WDR3: variants seen among roughly 807,000 people sequenced by gnomAD.
The protein encoded by WDR3 is WD repeat domain 3.
A neutral mutation model predicts 123.7 loss-of-function variants in WDR3; 81 were observed. The ratio of observed to expected loss-of-function variants is 0.65; its 90% CI spans 0.55 to 0.79. The LOEUF is 0.79. Among genes scored for constraint, WDR3 ranks in the 30% least tolerant of loss-of-function variants. The pLI is 0.00. For synonymous variants in WDR3, 390 were observed against 388.8 expected, an observed-to-expected ratio of 1.00 and a Z score of -0.04; for missense variants, 1,027 against 1,123.2, an observed-to-expected ratio of 0.91 and a Z score of 1.22.
intron 24 of WDR3, among the ~76,000 whole-genome samples, chr1:117,955,651 T>C (rs1243238587): frequency 6.6e-6 from 1 of 152,132 alleles, no homozygotes; most frequent in African/African-American, 2.4e-5. Context: ...TTAATTTGTT[T>C]TATATTTTGG....
Position 117,954,117 on chromosome 1 carries a change from T to C in WDR3, c.2361+18T>C, listed in dbSNP as rs756798053. The C allele has an allele frequency of 6.3e-7, 1 of 1,588,838 alleles. No homozygotes were observed. Among genetic ancestry groups the C allele is most frequent in the Admixed American group, 1.8e-5 (1 of 56,892 alleles). On this transcript the variant is annotated intron_variant, in intron 22 of 26. Transcript: ENST00000349139. ...GGAAAGAGGTAATAAGAGAGTACAG[T>C]AAGTTACAGTATCAATAAAGGGAAT...
Position 117,941,760 on chromosome 1 carries a change from C to A in WDR3, c.902C>A (p.Ser301Tyr), listed in dbSNP as rs1175136086. ...GRILACHGTD[S>Y]VLELFCILSK... ...CTTTTGCCTTTCTAGGGAACTGACT[C>A]TGTGCTAGAATTGTTTTGTATCCTT... The change falls in exon 9 of 27, where the codon TCT (serine) becomes TAT (tyrosine). Residue 301 changes from serine to tyrosine, a missense_variant. Physicochemically the swap from Ser to Tyr is moderately radical, Grantham distance 144. Transcript: ENST00000349139. 2 of 1,610,028 alleles carry A rather than the reference C, an allele frequency of 1.2e-6. No individual in the cohort carries two copies. The highest frequency in any genetic ancestry group is 2.7e-5 in the African/African-American group (2 of 74,704).
chr1:117,950,537 T>G (rs1195397853), intron 15 of WDR3, among the ~76,000 whole-genome samples: 1 of 152,140 alleles, frequency 6.6e-6, no homozygotes, highest in Non-Finnish European at 1.5e-5. Context: ...GGGAAATTTT[T>G]TTGTGAAACA....
intron 13 of WDR3, 140 bp from the exon 14 acceptor site, chr1:117,949,611 G>GGCT: frequency 1.1e-6 from 1 of 888,964 alleles, no homozygotes; most frequent in Non-Finnish European, 1.7e-6. Context: ...CAGTGAAAGG[G>GGCT]GCTAGGGAGA....
intron 23 of WDR3, 120 bp downstream of exon 23, chr1:117,954,747 G>C: frequency 1.8e-6 from 2 of 1,084,796 alleles, no homozygotes; most frequent in Admixed American, 4.7e-5. Context: ...GTCTTCAAAA[G>C]TCTCTTTTGA....
Position 117,950,913 on chromosome 1 carries a change from C to T in WDR3, c.1803+23C>T, listed in dbSNP as rs758748007. ...CATGTAAGTAGTTTAAATAGTGTCT[C>T]AGTAATATGTTGTCTTTTTTACAGC... On this transcript the variant is annotated intron_variant, in intron 16 of 26. Coordinates refer to ENST00000349139, the MANE Select transcript of WDR3 (RefSeq NM_006784.3). The T allele has an allele frequency of 9.4e-6, 15 of 1,587,492 alleles. No homozygotes were observed. In the East Asian group the frequency reaches 2.9e-4, roughly 31 times the overall value.
chr1:117,953,618 A>G lies in WDR3; in HGVS notation c.2268+77A>G, dbSNP rs578248850. On this transcript the variant is annotated intron_variant, in intron 21 of 26. Coordinates refer to ENST00000349139, the MANE Select transcript of WDR3 (RefSeq NM_006784.3). ...TTAGTAAAAGTTTTATTCTGTATCAACCAGAAAGCCATTTTTTTGGCAAAA... is the reference window on the plus strand; with the variant it reads ...TTAGTAAAAGTTTTATTCTGTATCAGCCAGAAAGCCATTTTTTTGGCAAAA... 5.8e-5 allele frequency: 86 copies of G among 1,489,336 alleles called. No individual in the cohort carries two copies. The South Asian group carries it at 9.7e-4, about 17-fold the overall frequency. 92.3% of individuals were successfully genotyped at this position (1,489,336 alleles called of 1,614,324 possible). A position where few individuals can be genotyped will look rare whatever the true frequency, so the allele number is the denominator to read the frequency against.
chr1:117,953,965 G>C (rs373628026), intron 21 of WDR3, 42 bp from the exon 22 acceptor site: 4 of 1,518,888 alleles, frequency 2.6e-6, no homozygotes, highest in Non-Finnish European at 3.6e-6. Flanking sequence ...TGGGATGATG[G>C]AGTATGTTGT....
chr1:117,957,782 A>T (rs755458307), intron 25 of WDR3, among the ~76,000 whole-genome samples: 14 of 152,190 alleles, frequency 9.2e-5, no homozygotes, highest in Non-Finnish European at 1.5e-4. Context: ...CAGGGGAGCC[A>T]AAAGGATGGA....
At chr1:117,943,260 A>G (rs1451364389) in intron 10 of WDR3, 136 bp from the exon 11 acceptor site, 1 of 761,160 alleles carries the variant, frequency 1.3e-6, no homozygotes, top group Non-Finnish European at 2.1e-6. Context: ...GCCTCAGGGC[A>G]CTCTTACTTG....
intron 12 of WDR3, among the ~76,000 whole-genome samples, chr1:117,946,562 C>A (rs78510646): frequency 4.9e-4 from 74 of 152,188 alleles, no homozygotes; most frequent in African/African-American, 1.7e-3. Context: ...TGATCAAGTC[C>A]TTATTCCTAG....
chr1:117,932,126 T>G (rs17037761), intron 1 of WDR3, among the ~76,000 whole-genome samples: 3,779 of 152,348 alleles, frequency 0.025, 154 homozygotes, highest in African/African-American at 0.084. Flanking sequence ...TGATTTGTTA[T>G]CTCCTTCATT....
intron 4 of WDR3, among the ~76,000 whole-genome samples, chr1:117,937,964 GCAATGGA>G (rs1316710563): frequency 6.6e-6 from 1 of 152,212 alleles, no homozygotes; most frequent in Non-Finnish European, 1.5e-5. Flanking sequence ...TGAGAGAACA[GCAATGGA>G]CAAAGAGACC....
At chr1:117,933,216 A>C in intron 1 of WDR3, 72 bp from the exon 2 acceptor site, 1 of 1,333,076 alleles carries the variant, frequency 7.5e-7, no homozygotes, top group Non-Finnish European at 1.0e-6. Flanking sequence ...AAACAAAAAA[A>C]CAGTTGGTGT....
In WDR3 at chr1:117,958,399, C is replaced by T. The variant is rs139361385; in HGVS notation, c.2583-511C>T. Among the ~76,000 whole-genome samples the T allele has an allele frequency of 4.5e-3, 692 of 152,172 alleles. 4 individuals are homozygous for T. The highest frequency in any genetic ancestry group is 0.016 in the African/African-American group (655 of 41,540). On this transcript the variant is annotated intron_variant, in intron 25 of 26. Transcript: ENST00000349139. ...TATTGAATTAGGGTTGCTGGTTCTA[C>T]GAGTAACACTGTGAATACTTATAGC...
rs1433539236 is a variant in WDR3, at chr1:117,941,045, C to A, written c.790-79C>A. 2.5e-6 allele frequency: 4 copies of A among 1,583,248 alleles called. No homozygotes were observed. In the Admixed American group the frequency reaches 5.2e-5, roughly 21 times the overall value. The stretch of plus-strand genomic sequence containing the variant: ...CTTTAGGGAATATTTTTGTCACTTG[C>A]ACTTATTAGAATTATGTTTTTTTCA... On this transcript the variant is annotated intron_variant, in intron 7 of 26. Coordinates refer to ENST00000349139, the MANE Select transcript of WDR3 (RefSeq NM_006784.3).
chr1:117,959,651 C>A lies in WDR3; in HGVS notation c.*204C>A. ...GGCTCCATTTCTTGGACTTAAAATG[C>A]ATTATTAGTTTAAAAATCTTTCTGT... is the stretch of plus-strand genomic sequence containing the variant. On this transcript the variant is annotated 3_prime_UTR_variant, in exon 27 of 27. Transcript: ENST00000349139. The A allele has an allele frequency of 2.3e-6, 1 of 442,738 alleles. No homozygotes were observed. Among genetic ancestry groups the A allele is most frequent in the Non-Finnish European group, 3.8e-6 (1 of 261,406 alleles). 27.4% of individuals were successfully genotyped at this position (442,738 alleles called of 1,614,324 possible). A position where few individuals can be genotyped will look rare whatever the true frequency, so the allele number is the denominator to read the frequency against.
Position 117,954,104 on chromosome 1 carries a change from TA to T in WDR3, c.2361+7del. 6.2e-7 allele frequency: 1 copy of T among 1,608,930 alleles called. No individual in the cohort carries two copies. The highest frequency in any genetic ancestry group is 8.5e-7 in the Non-Finnish European group (1 of 1,177,008). ...TGTAAAGCTGCAGGGAAAGAGGTAATAAGAGAGTACAGTAAGTTACAGTATC... is the reference window on the plus strand; with the variant it reads ...TGTAAAGCTGCAGGGAAAGAGGTAATAGAGAGTACAGTAAGTTACAGTATC... On this transcript the variant is annotated splice_donor_region_variant and intron_variant, in intron 22 of 26. Transcript: ENST00000349139.
At chr1:117,934,154 C>T (rs754503391) in intron 2 of WDR3, among the ~76,000 whole-genome samples, 24 of 152,110 alleles carry the variant, frequency 1.6e-4, no homozygotes, top group Non-Finnish European at 3.1e-4. Flanking sequence ...TTGAAAATCA[C>T]GTAGTGTTGT....
Sources: gnomAD v4.1 joint callset for allele counts (sites outside exome capture counted in the v4.1 genomes callset) on GRCh38, gnomAD v4.1.1 for gene constraint, MANE v1.5 for transcripts, NCBI Gene and HGNC (gene_info 2026-07-23, HGNC 2026-07-21) for gene names.